Variants in RAVER2 observed in about 807,000 individuals in gnomAD.
RAVER2 encodes ribonucleoprotein, PTB binding 2.
In RAVER2, 46 loss-of-function variants were observed where a neutral mutation model predicts 78.1. The ratio of observed to expected loss-of-function variants is 0.59; its 90% confidence interval spans 0.46 to 0.75. The LOEUF (loss-of-function observed/expected upper bound fraction) is 0.75. RAVER2 is among the 30% of genes least tolerant of loss of function. RAVER2 has a pLI of 0.00. For synonymous variants in RAVER2, 311 were observed against 313.3 expected (o/e 0.99, Z 0.08); for missense variants, 793 against 837.5 (o/e 0.95, Z 0.66).
At chr1:64,757,235 A>G (rs1651879964) in intron 1 of RAVER2, among the ~76,000 whole-genome samples, 1 of 152,214 alleles carries the variant, frequency 6.6e-6, no homozygotes, top group Admixed American at 6.5e-5. Context: ...CTCCAGCCCT[A>G]GAATCAGCCA....
intron 2 of RAVER2, among the ~76,000 whole-genome samples, chr1:64,772,034 C>T (rs1321540918): frequency 1.3e-5 from 2 of 152,022 alleles, no homozygotes; most frequent in Non-Finnish European, 2.9e-5. Flanking sequence ...GTAGACCATG[C>T]AATGACTTTT....
chr1:64,803,750 AT>A (rs1653334917), intron 6 of RAVER2, among the ~76,000 whole-genome samples: 1 of 152,170 alleles, frequency 6.6e-6, no homozygotes, highest in Admixed American at 6.5e-5. Flanking sequence ...TACTCAATGT[AT>A]TTTATTGAGT....
rs75451631 is a variant in RAVER2, at chr1:64,756,564, A to G, written c.249+11143A>G. Among the ~76,000 whole-genome samples the G allele has an allele frequency of 1.9e-3, 294 of 152,250 alleles. 1 individual carries two copies. The highest frequency in any genetic ancestry group is 6.7e-3 in the African/African-American group (280 of 41,564). On this transcript the variant is annotated intron_variant, in intron 1 of 11. Coordinates refer to ENST00000294428, the Ensembl canonical transcript of RAVER2. ...ATTTTAGATTAGCAGAAAAAGTTGC[A>G]AAGATAACACATAGAGTTCCCATGT...
Position 64,745,479 on chromosome 1 carries a change from G to C in RAVER2, c.249+58G>C. Reference sequence around the variant, plus strand: ...GAGGGGCGGCGGGGCGGCGCTCCGTGTCCAGGCTGGGATCGGGGGCGCCTC... The same window carrying C: ...GAGGGGCGGCGGGGCGGCGCTCCGTCTCCAGGCTGGGATCGGGGGCGCCTC... On this transcript the variant is annotated intron_variant, in intron 1 of 11. Transcript: ENST00000294428. This position sits in a 1 kb window ranked among gnomAD's most constrained non-coding sequence, Gnocchi z 4.3. The C allele has an allele frequency of 6.8e-7, 1 of 1,463,988 alleles. No individual in the cohort carries two copies. The highest frequency in any genetic ancestry group is 3.0e-5 in the East Asian group (1 of 33,536). 90.7% of individuals were successfully genotyped at this position (1,463,988 alleles called of 1,614,324 possible).
intron 5 of RAVER2, among the ~76,000 whole-genome samples, chr1:64,800,382 T>C (rs1394006081): frequency 1.3e-5 from 2 of 152,134 alleles, no homozygotes; most frequent in Non-Finnish European, 2.9e-5. Flanking sequence ...TCCTCAAGTG[T>C]TTCCCCCATG....
chr1:64,754,424 C>T (rs899872778), intron 1 of RAVER2, among the ~76,000 whole-genome samples: 23 of 152,174 alleles, frequency 1.5e-4, no homozygotes, highest in Admixed American at 1.4e-3. Flanking sequence ...GTAAAAGAAG[C>T]GGACTACCCA....
At chr1:64,746,586 A>G (rs1296982032) in intron 1 of RAVER2, among the ~76,000 whole-genome samples, 3 of 152,240 alleles carry the variant, frequency 2.0e-5, no homozygotes, top group Admixed American at 6.5e-5. Flanking sequence ...GAGACCTTAC[A>G]TAGCCATTCA....
chr1:64,760,105 GAAA>G (rs112327247), intron 1 of RAVER2, among the ~76,000 whole-genome samples: 1 of 122,448 alleles, frequency 8.2e-6, no homozygotes, highest in Admixed American at 8.4e-5. Flanking sequence ...TTGTGATGTG[GAAA>G]AAAAAAAAAA....
At chr1:64,821,903 A>G (rs1380260625) in intron 11 of RAVER2, among the ~76,000 whole-genome samples, 2 of 152,246 alleles carry the variant, frequency 1.3e-5, no homozygotes, top group Non-Finnish European at 2.9e-5. Flanking sequence ...AAGGGAAAGT[A>G]ATTAATAGAA....
At chr1:64,775,928 G>T (rs1050298277) in intron 2 of RAVER2, among the ~76,000 whole-genome samples, 11 of 149,304 alleles carry the variant, frequency 7.4e-5, no homozygotes, top group Admixed American at 6.8e-4. Context: ...TGAAGCAAGA[G>T]AATTGCTTGA....
At chr1:64,804,787 A>G in exon 7 of RAVER2, 1 of 1,552,266 alleles carries the variant, frequency 6.4e-7, no homozygotes, top group Non-Finnish European at 8.9e-7. Flanking sequence ...TTTCTCATAT[A>G]CCACTGGCAC....
At chr1:64,785,586 C>G (rs1225891524) in intron 4 of RAVER2, among the ~76,000 whole-genome samples, 1 of 152,102 alleles carries the variant, frequency 6.6e-6, no homozygotes, top group African/African-American at 2.4e-5. Flanking sequence ...CCAGACTGGT[C>G]TTGAACTCCT....
At chr1:64,827,181 G>C (rs1226216509) in intron 11 of RAVER2, among the ~76,000 whole-genome samples, 2 of 152,206 alleles carry the variant, frequency 1.3e-5, no homozygotes, top group East Asian at 3.8e-4. Flanking sequence ...CCAGGGGTTA[G>C]TCACTGTGCG....
chr1:64,831,026 T>C (rs1352145794), exon 12 of RAVER2: 2 of 1,573,064 alleles, frequency 1.3e-6, no homozygotes, highest in Non-Finnish European at 1.7e-6. Context: ...TTCTCTGCAG[T>C]ATCTCTGCTG....
At chr1:64,821,974 C>A (rs1653899629) in intron 11 of RAVER2, among the ~76,000 whole-genome samples, 2 of 152,160 alleles carry the variant, frequency 1.3e-5, no homozygotes, top group South Asian at 4.1e-4. Context: ...TTAAAGGGAG[C>A]CATGTCTCAG....
intron 1 of RAVER2, among the ~76,000 whole-genome samples, chr1:64,746,202 GAAA>G (rs1352361460): frequency 1.3e-5 from 2 of 152,094 alleles, no homozygotes; most frequent in African/African-American, 4.8e-5. Context: ...GGAGAGCTAG[GAAA>G]GACAGAGAAG....
chr1:64,758,586 C>T (rs1306769626), intron 1 of RAVER2, among the ~76,000 whole-genome samples: 1 of 152,144 alleles, frequency 6.6e-6, no homozygotes, highest in Non-Finnish European at 1.5e-5. Flanking sequence ...AGAGGGTCTT[C>T]AGCTGACAGC....
At chr1:64,757,081 C>T (rs1280046068) in intron 1 of RAVER2, among the ~76,000 whole-genome samples, 2 of 152,214 alleles carry the variant, frequency 1.3e-5, no homozygotes, top group Non-Finnish European at 2.9e-5. Flanking sequence ...TTCCCATTCA[C>T]TATTCTTTGG....
At position 64,777,887 on chromosome 1, in the gene RAVER2, A is replaced by G. The variant is rs1366147672; in HGVS notation, c.581A>G (p.Asp194Gly). 3 of 1,613,958 alleles carry G rather than the reference A, an allele frequency of 1.9e-6. No homozygotes were observed. In the African/African-American group the frequency reaches 4.0e-5, roughly 22 times the overall value. The change falls in exon 3 of 12, where the codon GAC (aspartate) becomes GGC (glycine). Residue 194 changes from aspartate (D) to glycine (G), a missense_variant. Asp to Gly is a moderately conservative substitution (Grantham distance 94). Transcript: ENST00000294428. ...GGATTTGTGGAATACATGAAAAAGG[A>G]CTTTGCTGCAAAGGCTAGACTGGAG...
Sources: allele counts gnomAD v4.1 joint callset (sites outside exome capture counted in the v4.1 genomes callset), GRCh38; gene constraint gnomAD v4.1.1; non-coding constraint Gnocchi (gnomAD v3.1); transcripts MANE v1.5; gene names NCBI Gene and HGNC (gene_info 2026-07-23, HGNC 2026-07-21).